ZMYND8: variants seen among roughly 807,000 people sequenced by gnomAD.
ZMYND8 encodes zinc finger MYND-type containing 8.
ZMYND8 carries 37 observed loss-of-function variants against 140.8 expected under a neutral mutation model. That is an observed-to-expected ratio of 0.26 (90% CI 0.20 to 0.35). ZMYND8 has a LOEUF of 0.35. ZMYND8 is among the 10% of genes least tolerant of loss of function. The pLI, the probability that ZMYND8 is intolerant of heterozygous loss-of-function variation, is 1.00. For synonymous variants in ZMYND8, 592 were observed against 597.1 expected, an observed-to-expected ratio of 0.99 and a Z score of 0.12; for missense variants, 1,068 against 1,570.0, an observed-to-expected ratio of 0.68 and a Z score of 5.40.
At chr20:47,265,174 C>G (rs746968014) in intron 11 of ZMYND8, among the ~76,000 whole-genome samples, 2 of 151,816 alleles carry the variant, frequency 1.3e-5, no homozygotes, top group Non-Finnish European at 2.9e-5. Flanking sequence ...TGCAGCTGCT[C>G]AAATATCTGT....
chr20:47,305,027 G>A (rs6094657), intron 3 of ZMYND8, among the ~76,000 whole-genome samples: 1,889 of 152,104 alleles, frequency 0.012, 53 homozygotes, highest in African/African-American at 0.043. Context: ...AGAACAGCTT[G>A]AGCCCAGGAG....
At chr20:47,339,657 TA>T (rs2081673724) in intron 2 of ZMYND8, among the ~76,000 whole-genome samples, 1 of 151,870 alleles carries the variant, frequency 6.6e-6, no homozygotes, top group Non-Finnish European at 1.5e-5. Flanking sequence ...TTTGTATTTT[TA>T]GTAGAGACGG....
At chr20:47,338,090 A>C (rs1215651413) in intron 2 of ZMYND8, among the ~76,000 whole-genome samples, 1 of 152,136 alleles carries the variant, frequency 6.6e-6, no homozygotes, top group African/African-American at 2.4e-5. Context: ...TGCCAGGTTC[A>C]TAAGATGGTA....
intron 2 of ZMYND8, among the ~76,000 whole-genome samples, chr20:47,325,904 TG>T (rs1226471363): frequency 6.6e-6 from 1 of 152,160 alleles, no homozygotes; most frequent in Non-Finnish European, 1.5e-5. Context: ...CCTGAGTAAC[TG>T]GGATTACAGG....
At chr20:47,252,479 G>C (rs2074270992) in intron 12 of ZMYND8, among the ~76,000 whole-genome samples, 1 of 151,876 alleles carries the variant, frequency 6.6e-6, no homozygotes, top group Non-Finnish European at 1.5e-5. Flanking sequence ...GCCTTTTCAA[G>C]AATAAAGATG....
chr20:47,224,562 G>A lies in ZMYND8; in HGVS notation c.3017-6C>T, dbSNP rs201762959. The A allele has an allele frequency of 7.6e-5, 123 of 1,612,438 alleles. No homozygotes were observed. In the African/African-American group the frequency reaches 1.3e-3, roughly 18 times the overall value. On this transcript the variant is annotated splice_polypyrimidine_tract_variant and splice_region_variant and intron_variant, in intron 18 of 22. Transcript: ENST00000471951. Reference sequence around the variant, plus strand: ...CATCTCCGCCATGGTCAGCTCTGGTGGAGGAGGGGAAGAACACCGCTCATC... The same window carrying A: ...CATCTCCGCCATGGTCAGCTCTGGTAGAGGAGGGGAAGAACACCGCTCATC...
chr20:47,262,481 C>T lies in ZMYND8; in HGVS notation c.1481-53G>A, dbSNP rs529228647. 2,258 of 1,607,958 alleles carry T rather than the reference C, an allele frequency of 1.4e-3. 4 individuals carry two copies. Among genetic ancestry groups the T allele is most frequent in the Middle Eastern group, 9.3e-3 (55 of 5,928 alleles). ...CAGGTTTACAAATAAACAAGTAGAA[C>T]GTGTAGGTGTGGTGTAGGGAGAGAA... On this transcript the variant is annotated intron_variant, in intron 11 of 22. Transcript: ENST00000471951.
chr20:47,255,111 C>A (rs563523553), intron 12 of ZMYND8, among the ~76,000 whole-genome samples: 42 of 152,066 alleles, frequency 2.8e-4, no homozygotes, highest in Middle Eastern at 3.4e-3. Context: ...AACAGAGCGA[C>A]GCTCCATCTC....
intron 2 of ZMYND8, among the ~76,000 whole-genome samples, chr20:47,311,004 A>G (rs980788705): frequency 4.6e-5 from 7 of 152,168 alleles, no homozygotes; most frequent in Non-Finnish European, 7.3e-5. Context: ...GTCCATGCCC[A>G]TGCCTGATTG....
intron 2 of ZMYND8, among the ~76,000 whole-genome samples, chr20:47,325,235 C>T (rs112068847): frequency 9.6e-4 from 146 of 152,268 alleles, no homozygotes; most frequent in African/African-American, 3.0e-3. Context: ...AATTATTTTC[C>T]TCTTCTGCTG....
Position 47,246,184 on chromosome 20 carries a change from G to A in ZMYND8, c.2108C>T (p.Pro703Leu). The A allele has an allele frequency of 1.2e-6, 2 of 1,614,130 alleles. No homozygotes were observed. The highest frequency in any genetic ancestry group is 2.2e-5 in the East Asian group (1 of 44,878). ...KDFSEKAKPSPHPIKDKLKGK... is the reference protein window; with the variant it reads ...KDFSEKAKPSLHPIKDKLKGK... Reference sequence around the variant, plus strand: ...CTTCAGTTTATCCTTTATGGGGTGAGGTGAAGGTTTTGCCTTTTCGGAAAA... The same window carrying A: ...CTTCAGTTTATCCTTTATGGGGTGAAGTGAAGGTTTTGCCTTTTCGGAAAA... Residue 703 changes from proline (P) to leucine (L), a missense_variant, in exon 14 of 23, where the codon CCT (proline) becomes CTT (leucine). Physicochemically the swap from Pro to Leu is moderately conservative, Grantham distance 98. Around this residue, in one of 10 missense-constraint regions of ZMYND8, gnomAD observed 383 missense variants for 431.2 expected, o/e 0.89. Coordinates refer to ENST00000471951, the MANE Select transcript of ZMYND8 (RefSeq NM_001281775.3).
At chr20:47,261,207 G>A (rs1401279628) in intron 12 of ZMYND8, among the ~76,000 whole-genome samples, 1 of 151,924 alleles carries the variant, frequency 6.6e-6, no homozygotes, top group African/African-American at 2.4e-5. Context: ...GGCAACAAGA[G>A]CGAAACTCCA....
At chr20:47,255,699 A>G (rs1237574838) in intron 12 of ZMYND8, among the ~76,000 whole-genome samples, 1 of 129,790 alleles carries the variant, frequency 7.7e-6, no homozygotes, top group Non-Finnish European at 1.6e-5. Context: ...GTATATATAT[A>G]TATATATATA....
At chr20:47,342,643 C>T (rs1395113337) in intron 2 of ZMYND8, among the ~76,000 whole-genome samples, 1 of 150,846 alleles carries the variant, frequency 6.6e-6, no homozygotes, top group Non-Finnish European at 1.5e-5. Context: ...GTCAGGAGTT[C>T]GAGACTAGCC....
At chr20:47,215,469 A>T (rs1485096595) in intron 21 of ZMYND8, among the ~76,000 whole-genome samples, 1 of 151,612 alleles carries the variant, frequency 6.6e-6, no homozygotes, top group Non-Finnish European at 1.5e-5. Flanking sequence ...GCAGCAGCGG[A>T]GTGTGTAAAG....
chr20:47,211,621 A>T lies in ZMYND8; in HGVS notation c.3569-724T>A, dbSNP rs76715635. Among the ~76,000 whole-genome samples, 557 of 152,344 alleles carry T rather than the reference A, an allele frequency of 3.7e-3. 2 individuals are homozygous for T. The highest frequency in any genetic ancestry group is 0.012 in the African/African-American group (483 of 41,580). ...GTCTGTGAAGAGCACTTTAGCCAAC[A>T]GCCCAGCCCAGATCTGCAGCTCTGC... On this transcript the variant is annotated intron_variant, in intron 22 of 22. Transcript: ENST00000471951.
chr20:47,341,623 C>T (rs186754127), intron 2 of ZMYND8, among the ~76,000 whole-genome samples: 1 of 152,042 alleles, frequency 6.6e-6, no homozygotes, highest in Admixed American at 6.6e-5. Flanking sequence ...ACAATCCCAG[C>T]ACTTTGGGAG....
At chr20:47,353,126 G>C (rs1206975014) in intron 1 of ZMYND8, 2 of 152,142 alleles carry the variant, frequency 1.3e-5, no homozygotes, top group East Asian at 3.9e-4. Flanking sequence ...GTTGCAAGTG[G>C]CTGGACTTTT....
At chr20:47,353,202 C>A (rs1390026501) in intron 1 of ZMYND8, 1 of 152,158 alleles carries the variant, frequency 6.6e-6, no homozygotes, top group East Asian at 1.9e-4. Context: ...AAAGTGTCTC[C>A]CCCCTCATCC....
Sources: gnomAD v4.1 joint callset for allele counts (sites outside exome capture counted in the v4.1 genomes callset) on GRCh38, gnomAD v4.1.1 for gene constraint, gnomAD v4.1.1 regional missense constraint, MANE v1.5 for transcripts, NCBI Gene and HGNC (gene_info 2026-07-23, HGNC 2026-07-21) for gene names.